Variants in SPATA17 observed in about 807,000 individuals in gnomAD.
SPATA17 encodes spermatogenesis associated 17.
SPATA17 carries 53 observed loss-of-function variants against 62.2 expected under a neutral mutation model. The ratio of observed to expected loss-of-function variants is 0.85; its 90% CI spans 0.68 to 1.07. The LOEUF (loss-of-function observed/expected upper bound fraction) is 1.07. Ranked by LOEUF, SPATA17 falls within the 50% of genes least tolerant of loss-of-function variation. SPATA17 has a pLI of 0.00. For missense variants in SPATA17, 466 were observed against 425.5 expected, an observed-to-expected ratio of 1.10 and a Z score of -0.84; for synonymous variants, 146 against 146.8, an observed-to-expected ratio of 0.99 and a Z score of 0.04.
chr1:217,679,682 A>G (rs1207919336), intron 4 of SPATA17, among the ~76,000 whole-genome samples: 1 of 152,190 alleles, frequency 6.6e-6, no homozygotes, highest in Non-Finnish European at 1.5e-5. Context: ...GCCTTTGGAG[A>G]TATGTGTAGG....
chr1:217,636,355 A>T (rs1281109907), intron 1 of SPATA17, among the ~76,000 whole-genome samples: 1 of 152,074 alleles, frequency 6.6e-6, no homozygotes, highest in Non-Finnish European at 1.5e-5. Context: ...GTTAGGACTA[A>T]GAGGATTATC....
At chr1:217,861,258 C>T (rs1675891577) in intron 9 of SPATA17, among the ~76,000 whole-genome samples, 1 of 151,824 alleles carries the variant, frequency 6.6e-6, no homozygotes, top group Admixed American at 6.6e-5. Flanking sequence ...ATTTCATCTT[C>T]ATTTATTCCT....
intron 9 of SPATA17, among the ~76,000 whole-genome samples, chr1:217,862,448 C>A (rs1675916436): frequency 6.6e-6 from 1 of 152,056 alleles, no homozygotes; most frequent in African/African-American, 2.4e-5. Context: ...AACAAAGTAC[C>A]AATCCCTATG....
In SPATA17 at chr1:217,801,846, A is replaced by C; in HGVS notation, c.1001A>C (p.Asp334Ala). The C allele has an allele frequency of 6.2e-7, 1 of 1,602,004 alleles. No homozygotes were observed. Among genetic ancestry groups the C allele is most frequent in the Non-Finnish European group, 8.5e-7 (1 of 1,176,878 alleles). The part of the protein sequence containing the change: ...RSENPKKWIC[D>A]KDFQTVLPSF... The stretch of plus-strand genomic sequence containing the variant: ...GAAAATCCTAAGAAATGGATCTGTG[A>C]CAAGGTGAGTTAACAAAACATTTTA... The change falls in exon 9 of 11, where the codon GAC becomes GCC. Residue 334 changes from aspartate (D) to alanine (A), a missense_variant. Coordinates refer to ENST00000366933, the MANE Select transcript of SPATA17 (RefSeq NM_138796.4).
intron 8 of SPATA17, among the ~76,000 whole-genome samples, chr1:217,798,456 C>T (rs1284077270): frequency 6.6e-6 from 1 of 152,146 alleles, no homozygotes; most frequent in African/African-American, 2.4e-5. Flanking sequence ...TGTCAATAGT[C>T]ACTTATTGTT....
At chr1:217,721,323 C>T (rs1283243170) in intron 5 of SPATA17, among the ~76,000 whole-genome samples, 1 of 152,138 alleles carries the variant, frequency 6.6e-6, no homozygotes, top group African/African-American at 2.4e-5. Context: ...TTACTGGTGG[C>T]TCTAAGGCTT....
intron 9 of SPATA17, among the ~76,000 whole-genome samples, chr1:217,831,912 T>C (rs1675151997): frequency 6.6e-6 from 1 of 152,202 alleles, no homozygotes; most frequent in Admixed American, 6.5e-5. Context: ...TCAGTAGAAA[T>C]TCATATGACT....
At chr1:217,696,999 T>C (rs191031830) in intron 5 of SPATA17, among the ~76,000 whole-genome samples, 12 of 152,290 alleles carry the variant, frequency 7.9e-5, no homozygotes, top group Non-Finnish European at 1.6e-4. Context: ...CTCTTTGTTT[T>C]TTTGTTGTTG....
At chr1:217,823,371 C>G (rs970223482) in intron 9 of SPATA17, among the ~76,000 whole-genome samples, 2 of 151,890 alleles carry the variant, frequency 1.3e-5, no homozygotes, top group African/African-American at 4.8e-5. Flanking sequence ...TTTTCTTTTT[C>G]TAGTTCACCA....
At chr1:217,642,780 G>A (rs576304200) in intron 1 of SPATA17, among the ~76,000 whole-genome samples, 1 of 152,296 alleles carries the variant, frequency 6.6e-6, no homozygotes, top group South Asian at 2.1e-4. Context: ...TAAGTTTCCT[G>A]AGGGCTCCCA....
intron 5 of SPATA17, among the ~76,000 whole-genome samples, chr1:217,689,140 G>A (rs552890880): frequency 1.6e-4 from 24 of 151,698 alleles, no homozygotes; most frequent in African/African-American, 5.6e-4. Flanking sequence ...CGGTAGATTC[G>A]AGCTAGCCTT....
intron 5 of SPATA17, among the ~76,000 whole-genome samples, chr1:217,685,815 G>A (rs1475142675): frequency 2.0e-5 from 3 of 152,030 alleles, no homozygotes; most frequent in African/African-American, 7.2e-5. Context: ...TTTGCTTTCT[G>A]CACTTTCAGT....
intron 9 of SPATA17, among the ~76,000 whole-genome samples, chr1:217,845,808 TG>T (rs1283560865): frequency 6.6e-6 from 1 of 152,098 alleles, no homozygotes; most frequent in East Asian, 1.9e-4. Context: ...ACCAGATCTC[TG>T]GTGGAGATAA....
At chr1:217,846,241 A>C (rs776645688) in intron 9 of SPATA17, among the ~76,000 whole-genome samples, 15 of 152,100 alleles carry the variant, frequency 9.9e-5, no homozygotes, top group Non-Finnish European at 1.9e-4. Context: ...AAATATGTCA[A>C]CATAAGGGAT....
intron 8 of SPATA17, among the ~76,000 whole-genome samples, chr1:217,793,456 G>A (rs558911259): frequency 2.6e-5 from 4 of 152,092 alleles, no homozygotes; most frequent in South Asian, 2.1e-4. Flanking sequence ...TCTTGACCTC[G>A]TGATCCGCCC....
At chr1:217,686,032 A>G (rs958682405) in intron 5 of SPATA17, among the ~76,000 whole-genome samples, 57 of 152,132 alleles carry the variant, frequency 3.7e-4, no homozygotes, top group African/African-American at 1.2e-3. Context: ...CATATTATTT[A>G]TAGGGTTCAA....
chr1:217,818,915 G>A (rs953552368), intron 9 of SPATA17, among the ~76,000 whole-genome samples: 71 of 41,654 alleles, frequency 1.7e-3, no homozygotes, highest in African/African-American at 5.7e-3. Context: ...TTTTAAATTT[G>A]TATTCAAATC....
rs555100979 is a variant in SPATA17 at position 217,783,067 on chromosome 1, T to A, written c.872+745T>A. On this transcript the variant is annotated intron_variant, in intron 8 of 10. Coordinates refer to ENST00000366933, the MANE Select transcript of SPATA17 (RefSeq NM_138796.4). Reference sequence around the variant, plus strand: ...TGCTAAGTAAGACATTATTACATTATAATACTAAATATTAATGATAATATT... The same window carrying A: ...TGCTAAGTAAGACATTATTACATTAAAATACTAAATATTAATGATAATATT... 3.3e-5 allele frequency among the ~76,000 whole-genome samples: 5 copies of A among 151,074 alleles called. No homozygotes were observed. The South Asian group carries it at 6.2e-4, about 19-fold the overall frequency.
rs139943258 is a variant in SPATA17, at chr1:217,782,233, G to A, written c.783G>A (p.Thr261=). 2.6e-5 allele frequency: 42 copies of A among 1,612,766 alleles called. No homozygotes were observed. Among genetic ancestry groups the A allele is most frequent in the South Asian group, 3.3e-5 (3 of 90,984 alleles). The change falls in exon 8 of 11, where the codon ACG becomes ACA. Residue 261 remains threonine, a synonymous_variant. Transcript: ENST00000366933. The part of the protein sequence containing the change: ...LEQRYRPLEP[T]LRVAEPIDEL... ...AACGCTACAGGCCTTTGGAGCCAAC[G>A]TTGCGGGTGGCAGAACCAATCGATG...
Sources: gnomAD v4.1 joint callset for allele counts (sites outside exome capture counted in the v4.1 genomes callset) on GRCh38, gnomAD v4.1.1 for gene constraint, MANE v1.5 for transcripts, NCBI Gene and HGNC (gene_info 2026-07-23, HGNC 2026-07-21) for gene names.